Variants in PLEKHA3 observed in about 807,000 individuals in gnomAD.
PLEKHA3 encodes pleckstrin homology domain-containing family A member 3.
A neutral mutation model predicts 39.2 loss-of-function variants in PLEKHA3; 19 were observed. That is an observed-to-expected ratio of 0.48 (90% CI 0.34 to 0.71). The LOEUF (loss-of-function observed/expected upper bound fraction) is 0.71, where lower values mean the gene tolerates loss of function less well. Ranked by LOEUF, PLEKHA3 falls within the 30% of genes least tolerant of loss-of-function variation. The pLI is 0.01. For missense variants in PLEKHA3, 253 were observed against 359.5 expected (o/e 0.70, Z 2.40); for synonymous variants, 97 against 118.6 (o/e 0.82, Z 1.18).
chr2:178,511,108 A>G lies in PLEKHA3; in HGVS notation c.*7221A>G, dbSNP rs2154128267. The G allele has an allele frequency of 6.6e-6, 1 of 152,342 alleles. No individual in the cohort carries two copies. Among genetic ancestry groups the G allele is most frequent in the Admixed American group, 6.5e-5 (1 of 15,302 alleles). The allele number at this position is 152,342 out of a possible 1,614,324, so 9.4% of individuals were successfully genotyped here. A position where few individuals can be genotyped will look rare whatever the true frequency, so the allele number is the denominator to read the frequency against. On this transcript the variant is annotated 3_prime_UTR_variant, in exon 8 of 8. Transcript: ENST00000234453. Reference sequence around the variant, plus strand: ...AGAGGGGAAGTGGGAGTAGGTAACCATACTACTCTTTCTACGGCTACAGAG... The same window carrying G: ...AGAGGGGAAGTGGGAGTAGGTAACCGTACTACTCTTTCTACGGCTACAGAG...
In PLEKHA3 at chr2:178,511,651, G is replaced by T. The variant is rs1255210040; in HGVS notation, c.*7764G>T. 1.3e-5 allele frequency: 2 copies of T among 152,186 alleles called. No homozygotes were observed. The highest frequency in any genetic ancestry group is 1.9e-4 in the East Asian group (1 of 5,186). The allele number at this position is 152,186 out of a possible 1,614,324, so 9.4% of individuals were successfully genotyped here. On this transcript the variant is annotated 3_prime_UTR_variant, in exon 8 of 8. Coordinates refer to ENST00000234453, the MANE Select transcript of PLEKHA3 (RefSeq NM_019091.4). Reference sequence around the variant, plus strand: ...CTTTGAAAGTGCTGGGATTACAGGCGGGAGCCACCGTGCCCGACCTGACCT... The same window carrying T: ...CTTTGAAAGTGCTGGGATTACAGGCTGGAGCCACCGTGCCCGACCTGACCT...
intron 2 of PLEKHA3, among the ~76,000 whole-genome samples, chr2:178,488,472 A>G (rs1326688171): frequency 1.3e-5 from 2 of 152,366 alleles, no homozygotes; most frequent in African/African-American, 2.4e-5. Context: ...CTTAATAGCA[A>G]CCTTTCCCCC....
chr2:178,487,561 C>T (rs1685270153), intron 2 of PLEKHA3, among the ~76,000 whole-genome samples: 1 of 152,062 alleles, frequency 6.6e-6, no homozygotes, highest in Non-Finnish European at 1.5e-5. Flanking sequence ...ACCTCAGCCT[C>T]CTGAGTAGCT....
intron 6 of PLEKHA3, among the ~76,000 whole-genome samples, chr2:178,499,615 C>T (rs1685498528): frequency 6.6e-6 from 1 of 152,024 alleles, no homozygotes; most frequent in African/African-American, 2.4e-5. Flanking sequence ...TTTTACTGTA[C>T]TTTTTCCATG....
intron 4 of PLEKHA3, among the ~76,000 whole-genome samples, chr2:178,494,230 G>C (rs1453049638): frequency 1.3e-5 from 2 of 152,178 alleles, no homozygotes; most frequent in Admixed American, 6.5e-5. Context: ...CAGCCAGTCT[G>C]ATAATTTGGA....
At chr2:178,499,638 T>C (rs766076853) in intron 6 of PLEKHA3, among the ~76,000 whole-genome samples, 8 of 152,276 alleles carry the variant, frequency 5.3e-5, no homozygotes, top group Middle Eastern at 3.4e-3. Context: ...TAGGTATGTT[T>C]AGATACACAA....
In PLEKHA3 at chr2:178,499,253, A is replaced by C; in HGVS notation, c.658A>C (p.Arg220=). The C allele has an allele frequency of 6.2e-7, 1 of 1,610,982 alleles. No homozygotes were observed. The highest frequency in any genetic ancestry group is 1.1e-5 in the South Asian group (1 of 90,208). ...VSHPGSCSSE[R]SSHSIKEPVS... ...CCACCCTGGTTCTTGCAGTTCAGAGAGGTAAAAGAACCTTTTCTTCTGACT... is the reference window on the plus strand; with the variant it reads ...CCACCCTGGTTCTTGCAGTTCAGAGCGGTAAAAGAACCTTTTCTTCTGACT... Residue 220 remains arginine, a splice_region_variant and synonymous_variant, in exon 6 of 8, where the codon AGG becomes CGG. Coordinates refer to ENST00000234453, the MANE Select transcript of PLEKHA3 (RefSeq NM_019091.4).
intron 4 of PLEKHA3, 59 bp downstream of exon 4, chr2:178,494,048 C>G: frequency 6.5e-7 from 1 of 1,535,684 alleles, no homozygotes; most frequent in Non-Finnish European, 8.8e-7. Flanking sequence ...TGGGGGGATC[C>G]TCAGTCATTC....
At chr2:178,494,656 T>C (rs1685411913) in intron 4 of PLEKHA3, among the ~76,000 whole-genome samples, 1 of 152,146 alleles carries the variant, frequency 6.6e-6, no homozygotes, top group Non-Finnish European at 1.5e-5. Context: ...CTGGAGGTAG[T>C]TGACCTCACA....
In PLEKHA3 at chr2:178,514,538, T is replaced by G. The variant is rs2154128380; in HGVS notation, c.*10651T>G. The G allele has an allele frequency of 6.6e-6, 1 of 152,276 alleles. No homozygotes were observed. The highest frequency in any genetic ancestry group is 1.9e-4 in the East Asian group (1 of 5,192). 9.4% of individuals were successfully genotyped at this position (152,276 alleles called of 1,614,324 possible). On this transcript the variant is annotated 3_prime_UTR_variant, in exon 8 of 8. Transcript: ENST00000234453. The stretch of plus-strand genomic sequence containing the variant: ...ATATACTTTAAAATGGGAACAAACA[T>G]AGCCTGTCATGTCTTTATTTAGGCT...
At chr2:178,486,964 C>T (rs542916325) in intron 2 of PLEKHA3, among the ~76,000 whole-genome samples, 8 of 152,314 alleles carry the variant, frequency 5.3e-5, no homozygotes, top group East Asian at 1.9e-4. Context: ...ATTCTTGACA[C>T]GTTGAAATGG....
intron 5 of PLEKHA3, among the ~76,000 whole-genome samples, 192 bp from the exon 6 acceptor site, chr2:178,499,019 G>A (rs370995981): frequency 1.1e-4 from 16 of 151,894 alleles, no homozygotes; most frequent in Admixed American, 1.3e-4. Context: ...CCAATTAATG[G>A]TTATTAGGGA....
intron 1 of PLEKHA3, among the ~76,000 whole-genome samples, chr2:178,481,252 A>G (rs565513203): frequency 6.6e-6 from 1 of 152,374 alleles, no homozygotes; most frequent in African/African-American, 2.4e-5. Context: ...CATTTTGTTA[A>G]TAACTGAGTT....
chr2:178,490,206 T>G (rs1006788331), intron 2 of PLEKHA3, among the ~76,000 whole-genome samples: 3 of 152,226 alleles, frequency 2.0e-5, no homozygotes, highest in Admixed American at 2.0e-4. Context: ...GGGCATATCA[T>G]AGAGTTACTT....
rs1685746625 is a variant in PLEKHA3, at chr2:178,515,345, TAG to T, written c.*11459_*11460del. ...TCTTATGGAAATCATGGTTGAATGT[TAG>T]TAAATTTCTAAGAGCTTTCCAATGT... On this transcript the variant is annotated 3_prime_UTR_variant, in exon 8 of 8. Transcript: ENST00000234453. The T allele has an allele frequency of 6.6e-6, 1 of 152,140 alleles. No individual in the cohort carries two copies. Among genetic ancestry groups the T allele is most frequent in the Admixed American group, 6.5e-5 (1 of 15,280 alleles). 9.4% of individuals were successfully genotyped at this position (152,140 alleles called of 1,614,324 possible). A position where few individuals can be genotyped will look rare whatever the true frequency, so the allele number is the denominator to read the frequency against.
chr2:178,493,389 C>T (rs1307576640), intron 3 of PLEKHA3, among the ~76,000 whole-genome samples: 6 of 152,088 alleles, frequency 3.9e-5, no homozygotes, highest in Non-Finnish European at 8.8e-5. Flanking sequence ...GCTAACAGAT[C>T]TGGATAAGGT....
chr2:178,480,828 C>A lies in PLEKHA3; in HGVS notation c.-42C>A, dbSNP rs1052612394. 5 of 1,315,004 alleles carry A rather than the reference C, an allele frequency of 3.8e-6. No individual in the cohort carries two copies. The highest frequency in any genetic ancestry group is 4.9e-6 in the Non-Finnish European group (5 of 1,023,086). The allele number at this position is 1,315,004 out of a possible 1,614,324, so 81.5% of individuals were successfully genotyped here. The stretch of plus-strand genomic sequence containing the variant: ...CCTGCGCCTACCCCATCACCGCGGC[C>A]GGCGCCGGGCCGGGAGGATGCGCGG... On this transcript the variant is annotated 5_prime_UTR_variant, in exon 1 of 8. Transcript: ENST00000234453.
intron 1 of PLEKHA3, among the ~76,000 whole-genome samples, chr2:178,485,247 G>A (rs1441381548): frequency 6.6e-6 from 1 of 152,184 alleles, no homozygotes; most frequent in African/African-American, 2.4e-5. Flanking sequence ...TATAGGTAAG[G>A]CTAGAACCCT....
intron 1 of PLEKHA3, among the ~76,000 whole-genome samples, chr2:178,485,138 C>G (rs1685229078): frequency 6.6e-6 from 1 of 152,212 alleles, no homozygotes; most frequent in Non-Finnish European, 1.5e-5. Context: ...GAGAGGTCAT[C>G]TTGTTCAACC....
Sources: allele counts gnomAD v4.1 joint callset (sites outside exome capture counted in the v4.1 genomes callset), GRCh38; gene constraint gnomAD v4.1.1; transcripts MANE v1.5; gene names NCBI Gene and HGNC (gene_info 2026-07-23, HGNC 2026-07-21).